The following PTPRT variants were observed in gnomAD, a reference collection of about 807,000 sequenced individuals.
PTPRT encodes protein tyrosine phosphatase receptor type T.
In PTPRT, 56 loss-of-function variants were observed where a neutral mutation model predicts 176.8. That is an observed-to-expected ratio of 0.32 (90% CI 0.26 to 0.40). The LOEUF (loss-of-function observed/expected upper bound fraction) is 0.40, where lower values mean the gene tolerates loss of function less well. PTPRT is among the 10% of genes least tolerant of loss of function. PTPRT has a pLI of 1.00. For missense variants in PTPRT, 1,540 were observed against 1,908.2 expected (o/e 0.81, Z 3.60); for synonymous variants, 783 against 739.0 (o/e 1.06, Z -0.96).
At chr20:42,152,623 G>C (rs1268818099) in intron 17 of PTPRT, among the ~76,000 whole-genome samples, 1 of 152,204 alleles carries the variant, frequency 6.6e-6, no homozygotes, top group African/African-American at 2.4e-5. Flanking sequence ...CTCACGCGAG[G>C]GTACCTCTAT....
At chr20:42,896,457 G>A (rs1397482912) in intron 1 of PTPRT, among the ~76,000 whole-genome samples, 4 of 152,020 alleles carry the variant, frequency 2.6e-5, no homozygotes, top group African/African-American at 9.7e-5. Context: ...CCAACATGGT[G>A]AAATCCCGTC....
intron 27 of PTPRT, among the ~76,000 whole-genome samples, chr20:42,093,201 G>T (rs180897387): frequency 1.3e-5 from 2 of 152,108 alleles, no homozygotes; most frequent in African/African-American, 4.8e-5. Context: ...GTGTCTTTCT[G>T]GTGGTCCGTA....
intron 6 of PTPRT, among the ~76,000 whole-genome samples, chr20:42,706,173 CTCTGTTTGTGTGTGTGTG>C (rs1380945113): frequency 2.3e-5 from 3 of 132,860 alleles, no homozygotes; most frequent in Non-Finnish European, 4.6e-5. Context: ...CTCTCTCTCT[CTCTGTTTGTGTGTGTGTG>C]TGTGTGTGTG....
chr20:42,437,690 T>C (rs910361213), intron 9 of PTPRT, among the ~76,000 whole-genome samples: 36 of 152,034 alleles, frequency 2.4e-4, no homozygotes, highest in African/African-American at 8.2e-4. Context: ...AAAGAAAAAA[T>C]GCCCATTGAC....
Position 42,345,392 on chromosome 20 carries a change from CAT to C in PTPRT, c.1865+5234_1865+5235del, listed in dbSNP as rs1555829306. Among the ~76,000 whole-genome samples, 529 of 130,260 alleles carry C rather than the reference CAT, an allele frequency of 4.1e-3. 9 individuals carry two copies. Among genetic ancestry groups the C allele is most frequent in the African/African-American group, 0.014 (482 of 35,556 alleles). The allele number at this position is 130,260 out of a possible 152,430, so 85.5% of individuals were successfully genotyped here. A position where few individuals can be genotyped will look rare whatever the true frequency, so the allele number is the denominator to read the frequency against. ...ACACACACACACACACACACACACA[CAT>C]ATATATATAAAACTAGTTACTATAG... On this transcript the variant is annotated intron_variant, in intron 11 of 30. Transcript: ENST00000373187.
At chr20:42,188,177 A>G (rs1351825110) in intron 16 of PTPRT, among the ~76,000 whole-genome samples, 1 of 152,154 alleles carries the variant, frequency 6.6e-6, no homozygotes, top group African/African-American at 2.4e-5. Flanking sequence ...CTCATTTGGC[A>G]TCATCACCAC....
intron 2 of PTPRT, among the ~76,000 whole-genome samples, chr20:42,854,116 T>C (rs1250552896): frequency 6.6e-6 from 1 of 152,204 alleles, no homozygotes; most frequent in Non-Finnish European, 1.5e-5. Context: ...ACTCTGGATC[T>C]CCTTATACCC....
intron 1 of PTPRT, chr20:43,063,276 T>C (rs183882257): frequency 3.9e-5 from 6 of 152,332 alleles, no homozygotes; most frequent in Admixed American, 2.0e-4. Context: ...CCATCCTTCA[T>C]TTGGGGAACA....
chr20:42,895,420 T>G lies in PTPRT; in HGVS notation c.89-9488A>C, dbSNP rs570960971. On this transcript the variant is annotated intron_variant, in intron 1 of 30. Transcript: ENST00000373187. ...GGCCTTGTCTCCAAACACAGTCACA[T>G]GGGGAGACATCGCAAAATTCCTTCA... 3.3e-5 allele frequency among the ~76,000 whole-genome samples: 5 copies of G among 152,336 alleles called. No homozygotes were observed. The South Asian group carries it at 1.0e-3, about 32-fold the overall frequency.
At position 42,315,523 on chromosome 20, in the gene PTPRT, A is replaced by T. The variant is rs959505984; in HGVS notation, c.2139+200T>A. Among the ~76,000 whole-genome samples the T allele has an allele frequency of 2.0e-5, 3 of 152,314 alleles. No homozygotes were observed. In the East Asian group the frequency reaches 5.8e-4, roughly 29 times the overall value. The stretch of plus-strand genomic sequence containing the variant: ...GTTACAACTGTTCAACTTTACTGTT[A>T]AGCATCAAAACAGCCATAGACAGTA... On this transcript the variant is annotated intron_variant, in intron 12 of 30. Transcript: ENST00000373187.
intron 2 of PTPRT, among the ~76,000 whole-genome samples, chr20:42,850,073 T>C (rs1450721471): frequency 2.0e-5 from 3 of 152,192 alleles, no homozygotes; most frequent in Non-Finnish European, 2.9e-5. Flanking sequence ...GAAAGGCTTG[T>C]CCACTGCATA....
At chr20:42,490,084 T>C (rs1052733360) in intron 7 of PTPRT, among the ~76,000 whole-genome samples, 38 of 152,228 alleles carry the variant, frequency 2.5e-4, no homozygotes, top group Non-Finnish European at 1.0e-4. Flanking sequence ...AGCTTTCCAT[T>C]CTGTTCTATT....
chr20:42,099,352 G>A (rs909777), intron 26 of PTPRT, among the ~76,000 whole-genome samples: 51,360 of 151,916 alleles, frequency 0.34, 10,216 homozygotes, highest in African/African-American at 0.56. Context: ...AGATTTACGT[G>A]TGAAAAGGCC....
chr20:43,006,349 A>G (rs184353621), intron 1 of PTPRT, among the ~76,000 whole-genome samples: 1 of 152,326 alleles, frequency 6.6e-6, no homozygotes, highest in Non-Finnish European at 1.5e-5. Flanking sequence ...AGATTCTATC[A>G]ACATGTGAAG....
At chr20:42,223,141 G>C (rs1047421497) in intron 15 of PTPRT, among the ~76,000 whole-genome samples, 12 of 152,172 alleles carry the variant, frequency 7.9e-5, no homozygotes. Flanking sequence ...CAACACTTAC[G>C]TGAAAGTACT....
intron 12 of PTPRT, among the ~76,000 whole-genome samples, chr20:42,294,193 A>T (rs1338740688): frequency 1.3e-5 from 2 of 152,184 alleles, no homozygotes; most frequent in Non-Finnish European, 2.9e-5. Flanking sequence ...TACATGGCTG[A>T]TCTAAAATAC....
intron 13 of PTPRT, among the ~76,000 whole-genome samples, chr20:42,275,258 T>C (rs1390548862): frequency 2.6e-5 from 4 of 152,214 alleles, no homozygotes; most frequent in Admixed American, 2.0e-4. Flanking sequence ...GTTTAAAATA[T>C]CCAATAGAGC....
At chr20:42,551,743 C>A (rs1411261904) in intron 7 of PTPRT, among the ~76,000 whole-genome samples, 1 of 152,168 alleles carries the variant, frequency 6.6e-6, no homozygotes, top group East Asian at 1.9e-4. Context: ...GTCTGGCTGA[C>A]TAGCCCTGCC....
At chr20:42,418,664 C>G (rs1199927733) in intron 9 of PTPRT, among the ~76,000 whole-genome samples, 4 of 152,130 alleles carry the variant, frequency 2.6e-5, no homozygotes, top group Non-Finnish European at 4.4e-5. Context: ...TACCTGGACA[C>G]AAAGATGGGT....
Sources: gnomAD v4.1 joint callset for allele counts (sites outside exome capture counted in the v4.1 genomes callset) on GRCh38, gnomAD v4.1.1 for gene constraint, MANE v1.5 for transcripts, NCBI Gene and HGNC (gene_info 2026-07-23, HGNC 2026-07-21) for gene names.